The following GOSR1 variants were observed in gnomAD, a reference collection of about 807,000 sequenced individuals.
GOSR1 encodes 28 kDa Golgi SNARE protein.
GOSR1 carries 21 observed loss-of-function variants against 35.5 expected under a neutral mutation model. That is an observed-to-expected ratio of 0.59 (90% CI 0.42 to 0.85). GOSR1 has a LOEUF of 0.85. Ranked by LOEUF, GOSR1 falls within the 40% of genes least tolerant of loss-of-function variation. GOSR1 has a pLI of 0.00. For synonymous variants in GOSR1, 94 were observed against 106.6 expected (o/e 0.88, Z 0.73); for missense variants, 285 against 309.6 (o/e 0.92, Z 0.60).
chr17:30,504,284 C>T (rs773287970), intron 6 of GOSR1, among the ~76,000 whole-genome samples: 1 of 152,110 alleles, frequency 6.6e-6, no homozygotes, highest in Non-Finnish European at 1.5e-5. Context: ...GCCTCAACCT[C>T]GCAAAGTGCT....
intron 6 of GOSR1, among the ~76,000 whole-genome samples, chr17:30,494,057 AG>A (rs1371107599): frequency 6.6e-6 from 1 of 152,176 alleles, no homozygotes; most frequent in African/African-American, 2.4e-5. Flanking sequence ...TTTTATGGCT[AG>A]AACTATGTTT....
rs1328646056 is a variant in GOSR1, at chr17:30,522,335, T to C, written c.704T>C (p.Ile235Thr). ...RRDSLILGGV[I>T]GICTILLLLY... ...GACTCGCTCATCCTAGGGGGTGTTA[T>C]TGGGATCTGTACCATCCTGTTGCTG... The change falls in exon 9 of 9, where the codon ATT (isoleucine) becomes ACT (threonine). Residue 235 changes from isoleucine to threonine, a missense_variant. By Grantham distance (89) the Ile-to-Thr change is moderately conservative (BLOSUM62 -1). Around this residue, in one of 3 missense-constraint regions of GOSR1, gnomAD observed 168 missense variants for 183.2 expected, o/e 0.92. Coordinates refer to ENST00000451249, the MANE Select transcript of GOSR1 (RefSeq NM_001007025.2). The C allele has an allele frequency of 8.7e-6, 14 of 1,610,276 alleles. No individual in the cohort carries two copies. Among genetic ancestry groups the C allele is most frequent in the Non-Finnish European group, 7.6e-6 (9 of 1,177,996 alleles).
chr17:30,501,589 C>T (rs544802971), intron 6 of GOSR1, among the ~76,000 whole-genome samples: 3 of 152,118 alleles, frequency 2.0e-5, no homozygotes, highest in African/African-American at 4.8e-5. Flanking sequence ...CTCCGCCTCC[C>T]GGGTTTAAGC....
chr17:30,477,496 A>G (rs1567892065), intron 1 of GOSR1, 32 bp downstream of exon 1: 2 of 1,603,504 alleles, frequency 1.2e-6, no homozygotes, highest in South Asian at 1.1e-5. Context: ...GGTGCGTCCT[A>G]CGAGGGTGAG....
chr17:30,477,565 G>A, intron 1 of GOSR1, 101 bp downstream of exon 1: 1 of 1,434,938 alleles, frequency 7.0e-7, no homozygotes, highest in Non-Finnish European at 9.4e-7. Flanking sequence ...CAGACTCCCG[G>A]AGCGGCCGAG....
intron 1 of GOSR1, 74 bp downstream of exon 1, chr17:30,477,538 G>A: frequency 6.5e-7 from 1 of 1,530,704 alleles, no homozygotes; most frequent in Non-Finnish European, 8.9e-7. Flanking sequence ...CTTGGGAGAA[G>A]CAGCACAGGA....
chr17:30,518,952 A>AC (rs375941681), intron 7 of GOSR1, among the ~76,000 whole-genome samples: 79 of 147,708 alleles, frequency 5.3e-4, no homozygotes, highest in African/African-American at 1.6e-3. Flanking sequence ...CCAACCCCCA[A>AC]CCCCCCCCAA....
chr17:30,526,876 A>G lies in GOSR1; in HGVS notation c.*4498A>G, dbSNP rs1968192619. 1 of 152,342 alleles carries G rather than the reference A, an allele frequency of 6.6e-6. No homozygotes were observed. The highest frequency in any genetic ancestry group is 2.4e-5 in the African/African-American group (1 of 41,464). 9.4% of individuals were successfully genotyped at this position (152,342 alleles called of 1,614,324 possible). On this transcript the variant is annotated 3_prime_UTR_variant, in exon 9 of 9. Coordinates refer to ENST00000451249, the MANE Select transcript of GOSR1 (RefSeq NM_001007025.2). The stretch of plus-strand genomic sequence containing the variant: ...TCAAGGTAGTTTGGGGATAGAGATT[A>G]TGGTATCTCTGGTGTTGATAAGTGT...
chr17:30,519,730 GT>G, intron 7 of GOSR1: 1 of 470,418 alleles, frequency 2.1e-6, no homozygotes, highest in Non-Finnish European at 3.7e-6. Flanking sequence ...TTACTGCCTT[GT>G]ATAAAAAGAT....
intron 7 of GOSR1, among the ~76,000 whole-genome samples, chr17:30,512,970 A>G (rs1422121667): frequency 6.6e-6 from 1 of 152,206 alleles, no homozygotes; most frequent in African/African-American, 2.4e-5. Context: ...GCTAGTTAGA[A>G]AACATGTTAT....
rs1597783916 is a variant in GOSR1 at position 30,501,382 on chromosome 17, C to G, written c.509+8629C>G. Reference sequence around the variant, plus strand: ...GAATGGCTAAAATCCAAAACACTGACAACATTAGAAGGAACACTGAAGGAA... The same window carrying G: ...GAATGGCTAAAATCCAAAACACTGAGAACATTAGAAGGAACACTGAAGGAA... On this transcript the variant is annotated intron_variant, in intron 6 of 8. Transcript: ENST00000451249. Among the ~76,000 whole-genome samples the G allele has an allele frequency of 3.3e-5, 5 of 152,228 alleles. 1 individual carries two copies. The South Asian group carries it at 1.0e-3, about 32-fold the overall frequency.
intron 6 of GOSR1, among the ~76,000 whole-genome samples, chr17:30,510,051 C>G (rs1190595217): frequency 6.6e-6 from 1 of 152,040 alleles, no homozygotes; most frequent in Admixed American, 6.6e-5. Context: ...TTTAAGCTAA[C>G]GAAAGTGAGA....
chr17:30,488,628 A>C (rs1030023201), intron 4 of GOSR1, among the ~76,000 whole-genome samples: 1 of 151,078 alleles, frequency 6.6e-6, no homozygotes, highest in African/African-American at 2.4e-5. Context: ...CTGCCTCCCA[A>C]GTTCAAGTGA....
In GOSR1 at chr17:30,520,906, A is replaced by C. The variant is rs1014747972; in HGVS notation, c.622+885A>C. 6.6e-5 allele frequency among the ~76,000 whole-genome samples: 10 copies of C among 152,360 alleles called. No individual in the cohort carries two copies. In the East Asian group the frequency reaches 1.9e-3, roughly 29 times the overall value. ...AAATCACATTTTAGATAGGGCTATAAAATTTACAGAGTGCTGTTATATACA... is the reference window on the plus strand; with the variant it reads ...AAATCACATTTTAGATAGGGCTATACAATTTACAGAGTGCTGTTATATACA... On this transcript the variant is annotated intron_variant, in intron 8 of 8. Transcript: ENST00000451249.
chr17:30,479,691 A>T (rs369670534), intron 1 of GOSR1: 1 of 152,022 alleles, frequency 6.6e-6, no homozygotes, highest in Non-Finnish European at 1.5e-5. Context: ...TGTATTTTTA[A>T]TAGAGACAGG....
intron 6 of GOSR1, among the ~76,000 whole-genome samples, chr17:30,506,887 A>G (rs1412585257): frequency 1.3e-5 from 2 of 152,214 alleles, no homozygotes; most frequent in East Asian, 1.9e-4. Flanking sequence ...GTTATGCTCA[A>G]TCTACCCTGC....
chr17:30,520,023 T>C lies in GOSR1; in HGVS notation c.622+2T>C, dbSNP rs768712620. 5 of 1,578,692 alleles carry C rather than the reference T, an allele frequency of 3.2e-6. No homozygotes were observed. The South Asian group carries it at 3.3e-5, about 11-fold the overall frequency. On this transcript the variant is annotated splice_donor_variant, in intron 8 of 8. Transcript: ENST00000451249. LOFTEE classifies it high-confidence loss of function. ...ACAGCAAAATGAACACTTTGGCCAGTATCCTTTTTGAATGTTCGCAGTCTG... is the reference window on the plus strand; with the variant it reads ...ACAGCAAAATGAACACTTTGGCCAGCATCCTTTTTGAATGTTCGCAGTCTG...
At chr17:30,520,192 G>A (rs761898919) in intron 8 of GOSR1, 171 bp downstream of exon 8, 65 of 507,728 alleles carry the variant, frequency 1.3e-4, no homozygotes, top group Admixed American at 3.5e-4. Flanking sequence ...ATGCTCTTTA[G>A]TACCATTCCT....
Position 30,523,897 on chromosome 17 carries a change from C to T in GOSR1, c.*1519C>T, listed in dbSNP as rs1968133132. 1.7e-5 allele frequency: 4 copies of T among 228,950 alleles called. No individual in the cohort carries two copies. The highest frequency in any genetic ancestry group is 3.4e-5 in the Non-Finnish European group (4 of 119,178). The allele number at this position is 228,950 out of a possible 1,614,324, so 14.2% of individuals were successfully genotyped here. ...AGAAAAATTCTTCTGCCTTGGGATC[C>T]TGTTGATCTATGACCTTACCCCCAA... is the stretch of plus-strand genomic sequence containing the variant. On this transcript the variant is annotated 3_prime_UTR_variant, in exon 9 of 9. Transcript: ENST00000451249.
Sources: allele counts gnomAD v4.1 joint callset (sites outside exome capture counted in the v4.1 genomes callset), GRCh38; gene constraint gnomAD v4.1.1; regional missense constraint gnomAD v4.1.1; transcripts MANE v1.5; gene names NCBI Gene and HGNC (gene_info 2026-07-23, HGNC 2026-07-21).